LRP1B: variants seen among roughly 807,000 people sequenced by gnomAD.
The protein encoded by LRP1B is LDL receptor related protein 1B.
Under a neutral mutation model 556.6 loss-of-function variants are expected in LRP1B, and 217 were observed. The observed-to-expected ratio is 0.39, with a 90% CI of 0.35 to 0.44. The LOEUF (loss-of-function observed/expected upper bound fraction) is 0.44, where lower values mean the gene tolerates loss of function less well. LRP1B is among the 20% of genes least tolerant of loss of function. LRP1B has a pLI of 1.00. For synonymous variants in LRP1B, 2,047 were observed against 1,865.8 expected, an observed-to-expected ratio of 1.10 and a Z score of -2.50; for missense variants, 5,053 against 5,620.8, an observed-to-expected ratio of 0.90 and a Z score of 3.23.
At chr2:140,673,230 A>C (rs1685551267) in intron 41 of LRP1B, among the ~76,000 whole-genome samples, 1 of 152,150 alleles carries the variant, frequency 6.6e-6, no homozygotes. Context: ...ATTGCTTACA[A>C]CTCCTGCTCT....
chr2:141,726,737 GA>G (rs1693052433), intron 2 of LRP1B, among the ~76,000 whole-genome samples: 1 of 152,014 alleles, frequency 6.6e-6, no homozygotes, highest in Non-Finnish European at 1.5e-5. Context: ...TCCCCCAGTG[GA>G]ATAACAGTAT....
Position 140,522,330 on chromosome 2 carries a change from G to T in LRP1B, c.8026+3514C>A, listed in dbSNP as rs560440769. On this transcript the variant is annotated intron_variant, in intron 49 of 90. Coordinates refer to ENST00000389484, the MANE Select transcript of LRP1B (RefSeq NM_018557.3). ...TAAAACTTGCTCCGAATGAATTTTGGGTAAACAATGAAATTAAAGCAGATA... is the reference window on the plus strand; with the variant it reads ...TAAAACTTGCTCCGAATGAATTTTGTGTAAACAATGAAATTAAAGCAGATA... Among the ~76,000 whole-genome samples the T allele has an allele frequency of 1.6e-4, 25 of 151,644 alleles. 1 individual carries two copies. In the South Asian group the frequency reaches 3.1e-3, roughly 19 times the overall value.
chr2:141,571,148 T>A (rs1225958557), intron 2 of LRP1B, among the ~76,000 whole-genome samples: 4 of 148,024 alleles, frequency 2.7e-5, no homozygotes, highest in African/African-American at 1.0e-4. Flanking sequence ...ACAGGAGTGA[T>A]CCTATTGGCA....
At chr2:140,652,144 G>A (rs1684712048) in intron 41 of LRP1B, among the ~76,000 whole-genome samples, 1 of 151,838 alleles carries the variant, frequency 6.6e-6, no homozygotes, top group African/African-American at 2.4e-5. Context: ...TGGAGATAAG[G>A]AAATATTATA....
At chr2:141,105,337 A>AT (rs143635013) in intron 7 of LRP1B, among the ~76,000 whole-genome samples, 29 of 150,262 alleles carry the variant, frequency 1.9e-4, no homozygotes, top group East Asian at 5.9e-4. Flanking sequence ...CTTCAATGTA[A>AT]TTTTTTTTTT....
intron 66 of LRP1B, among the ~76,000 whole-genome samples, chr2:140,392,836 TCTC>T (rs1424588531): frequency 6.6e-6 from 1 of 152,188 alleles, no homozygotes; most frequent in African/African-American, 2.4e-5. Context: ...CCACTTTTTA[TCTC>T]CTCCTGAAAA....
In LRP1B at chr2:140,461,007, G is replaced by T. The variant is rs192561965; in HGVS notation, c.9626-3356C>A. Among the ~76,000 whole-genome samples, 279 of 149,634 alleles carry T rather than the reference G, an allele frequency of 1.9e-3. 2 individuals are homozygous for T. Among genetic ancestry groups the T allele is most frequent in the Admixed American group, 0.016 (246 of 14,952 alleles). On this transcript the variant is annotated intron_variant, in intron 60 of 90. Transcript: ENST00000389484. ...GAACCCGGGAGGTGGAGGTTGCAGTGAGCCAAGATCGCACCACTGCACTCC... is the reference window on the plus strand; with the variant it reads ...GAACCCGGGAGGTGGAGGTTGCAGTTAGCCAAGATCGCACCACTGCACTCC...
intron 37 of LRP1B, among the ~76,000 whole-genome samples, chr2:140,713,282 T>G (rs1413127875): frequency 6.6e-6 from 1 of 151,912 alleles, no homozygotes; most frequent in Non-Finnish European, 1.5e-5. Context: ...AAATTTGACC[T>G]GACTCCCTTT....
intron 3 of LRP1B, among the ~76,000 whole-genome samples, chr2:141,374,302 A>C (rs1689346939): frequency 6.6e-6 from 1 of 152,084 alleles, no homozygotes; most frequent in Non-Finnish European, 1.5e-5. Flanking sequence ...TGCTAATTTT[A>C]ATATTACTTC....
At chr2:141,587,819 A>G (rs1687196714) in intron 2 of LRP1B, among the ~76,000 whole-genome samples, 1 of 152,242 alleles carries the variant, frequency 6.6e-6, no homozygotes, top group African/African-American at 2.4e-5. Context: ...CAGTGAAGAA[A>G]GAAGAAATAA....
intron 2 of LRP1B, among the ~76,000 whole-genome samples, chr2:141,574,173 G>C (rs965691114): frequency 3.3e-5 from 5 of 152,138 alleles, no homozygotes; most frequent in Admixed American, 6.6e-5. Flanking sequence ...TATCTCTGAA[G>C]AACATCAATG....
chr2:140,345,791 CAT>C (rs1192338332), intron 77 of LRP1B, among the ~76,000 whole-genome samples: 4 of 114,896 alleles, frequency 3.5e-5, no homozygotes, highest in Admixed American at 8.4e-5. Flanking sequence ...TATATATACA[CAT>C]ATATACATAT....
intron 1 of LRP1B, among the ~76,000 whole-genome samples, chr2:141,878,380 A>AC (rs1475251365): frequency 6.6e-6 from 1 of 151,940 alleles, no homozygotes; most frequent in Non-Finnish European, 1.5e-5. Flanking sequence ...AACAACAACA[A>AC]AAAAAACAAA....
chr2:140,991,790 A>G (rs1697099465), intron 16 of LRP1B, among the ~76,000 whole-genome samples: 1 of 152,144 alleles, frequency 6.6e-6, no homozygotes, highest in South Asian at 2.1e-4. Context: ...TAGACAGAAA[A>G]CAGTCAGTGC....
At chr2:140,496,316 A>G (rs1422517065) in intron 55 of LRP1B, among the ~76,000 whole-genome samples, 1 of 152,078 alleles carries the variant, frequency 6.6e-6, no homozygotes, top group African/African-American at 2.4e-5. Flanking sequence ...GAGAAATCCA[A>G]TAGCATGAAG....
chr2:141,783,185 G>A (rs963334749), intron 2 of LRP1B, among the ~76,000 whole-genome samples: 4 of 152,000 alleles, frequency 2.6e-5, no homozygotes, highest in East Asian at 3.9e-4. Context: ...ATAATTTACC[G>A]TATCCCCAGC....
chr2:141,319,911 A>T (rs924830273), intron 3 of LRP1B, among the ~76,000 whole-genome samples: 1 of 152,124 alleles, frequency 6.6e-6, no homozygotes, highest in African/African-American at 2.4e-5. Context: ...CTTAATATGA[A>T]ATAATATCTT....
chr2:141,295,468 A>ATCTC (rs1450907433), intron 3 of LRP1B, among the ~76,000 whole-genome samples: 1 of 152,090 alleles, frequency 6.6e-6, no homozygotes, highest in Non-Finnish European at 1.5e-5. Context: ...TAGGGAGGAA[A>ATCTC]AAAAATTGTC....
intron 1 of LRP1B, among the ~76,000 whole-genome samples, chr2:141,910,641 T>C (rs1170196841): frequency 6.6e-6 from 1 of 152,092 alleles, no homozygotes; most frequent in African/African-American, 2.4e-5. Context: ...GCAAATATAA[T>C]TATATAGTTT....
Sources: gnomAD v4.1 joint callset for allele counts (sites outside exome capture counted in the v4.1 genomes callset) on GRCh38, gnomAD v4.1.1 for gene constraint, MANE v1.5 for transcripts, NCBI Gene and HGNC (gene_info 2026-07-23, HGNC 2026-07-21) for gene names.